Variants in COL26A1 observed in about 807,000 individuals in gnomAD.
The protein encoded by COL26A1 is collagen alpha-1(XXVI) chain.
COL26A1 carries 41 observed loss-of-function variants against 59.3 expected under a neutral mutation model. The ratio of observed to expected loss-of-function variants is 0.69; its 90% confidence interval spans 0.54 to 0.90. The LOEUF is 0.90. COL26A1 is among the 40% of genes least tolerant of loss of function. The probability of loss-of-function intolerance (pLI) is 0.00; values close to 1 mark genes in which losing one functional copy is unlikely to be tolerated. For synonymous variants in COL26A1, 266 were observed against 256.0 expected, an observed-to-expected ratio of 1.04 and a Z score of -0.37; for missense variants, 612 against 602.3, an observed-to-expected ratio of 1.02 and a Z score of -0.17.
intron 3 of COL26A1, among the ~76,000 whole-genome samples, chr7:101,520,784 T>A (rs1795128533): frequency 1.3e-5 from 2 of 152,142 alleles, no homozygotes; most frequent in African/African-American, 4.8e-5. Context: ...AGCCCCTTTA[T>A]GTTTTTTCTG....
Position 101,453,397 on chromosome 7 carries a change from C to T in COL26A1, c.385+5610C>T, listed in dbSNP as rs1793390936. On this transcript the variant is annotated intron_variant, in intron 3 of 12. Coordinates refer to ENST00000313669, the MANE Select transcript of COL26A1 (RefSeq NM_001278563.3). ...GGAAAAGAAATTTTATGAGACCACT[C>T]GTATATGCAGTCTGTCGTTGACTGA... Among the ~76,000 whole-genome samples the T allele has an allele frequency of 4.6e-5, 7 of 152,238 alleles. 1 individual carries two copies. The Middle Eastern group carries it at 0.024, about 518-fold the overall frequency.
Position 101,369,276 on chromosome 7 carries a change from G to A in COL26A1, c.158+6086G>A, listed in dbSNP as rs559835722. On this transcript the variant is annotated intron_variant, in intron 1 of 12. Coordinates refer to ENST00000313669, the MANE Select transcript of COL26A1 (RefSeq NM_001278563.3). ...ACAAAAATTAGCTGGGCATGGTGGCGCATGCCTGTAATCCCAGCTACTTAG... is the reference window on the plus strand; with the variant it reads ...ACAAAAATTAGCTGGGCATGGTGGCACATGCCTGTAATCCCAGCTACTTAG... 2.0e-3 allele frequency among the ~76,000 whole-genome samples: 306 copies of A among 151,698 alleles called. 1 individual carries two copies. Among genetic ancestry groups the A allele is most frequent in the Middle Eastern group, 3.4e-3 (1 of 294 alleles).
chr7:101,492,511 A>C (rs1794483096), intron 3 of COL26A1, among the ~76,000 whole-genome samples: 1 of 151,964 alleles, frequency 6.6e-6, no homozygotes, highest in Admixed American at 6.6e-5. Context: ...AGCCTGGCCA[A>C]CACGGAGAAA....
chr7:101,515,282 T>C (rs1446149724), intron 3 of COL26A1, among the ~76,000 whole-genome samples: 2 of 148,994 alleles, frequency 1.3e-5, no homozygotes, highest in Non-Finnish European at 3.0e-5. Flanking sequence ...TTACTATAAA[T>C]ATTTATTTTT....
At chr7:101,431,015 T>C (rs1420691610) in intron 2 of COL26A1, among the ~76,000 whole-genome samples, 1 of 151,994 alleles carries the variant, frequency 6.6e-6, no homozygotes. Flanking sequence ...TTGGCCAGGA[T>C]GGTCTTGAAC....
chr7:101,448,828 C>G (rs1324826114), intron 3 of COL26A1, among the ~76,000 whole-genome samples: 1 of 152,322 alleles, frequency 6.6e-6, no homozygotes, highest in Non-Finnish European at 1.5e-5. Context: ...CAGTAGCTGT[C>G]TCCCACCTTC....
intron 2 of COL26A1, among the ~76,000 whole-genome samples, chr7:101,434,157 G>T (rs1406695907): frequency 2.7e-4 from 8 of 30,144 alleles, no homozygotes; most frequent in Admixed American, 4.4e-4. Flanking sequence ...TTTCTCTCTC[G>T]TTCTTTCTCT....
intron 2 of COL26A1, among the ~76,000 whole-genome samples, chr7:101,445,731 CAAAAAAAA>C (rs138245779): frequency 9.9e-4 from 38 of 38,442 alleles, no homozygotes; most frequent in African/African-American, 3.8e-3. Flanking sequence ...GACTCCGTCT[CAAAAAAAA>C]AAAAAAAAAA....
intron 3 of COL26A1, among the ~76,000 whole-genome samples, chr7:101,451,677 T>G (rs2130390384): frequency 6.6e-6 from 1 of 151,318 alleles, no homozygotes; most frequent in East Asian, 1.9e-4. Context: ...TTTGTGGTTA[T>G]TGTCTCTACT....
intron 3 of COL26A1, among the ~76,000 whole-genome samples, chr7:101,488,551 T>A (rs1424902113): frequency 6.6e-6 from 1 of 151,418 alleles, no homozygotes; most frequent in Admixed American, 6.6e-5. Flanking sequence ...ATTTTTTGTA[T>A]TTTCAGTAGA....
chr7:101,544,147 G>C (rs373913152), intron 6 of COL26A1, 51 bp downstream of exon 6: 2 of 1,423,412 alleles, frequency 1.4e-6, no homozygotes, highest in Non-Finnish European at 1.9e-6. Context: ...GAAGGGGCTG[G>C]GCTTTCTTCT....
At chr7:101,539,550 A>T (rs1416978379) in intron 4 of COL26A1, among the ~76,000 whole-genome samples, 1 of 149,810 alleles carries the variant, frequency 6.7e-6, no homozygotes, top group Non-Finnish European at 1.5e-5. Context: ...CTGGTCTCAA[A>T]CTCCTGGCCT....
At chr7:101,532,682 C>G (rs544624260) in intron 3 of COL26A1, among the ~76,000 whole-genome samples, 1 of 152,284 alleles carries the variant, frequency 6.6e-6, no homozygotes, top group East Asian at 1.9e-4. Context: ...TCCCCAGACT[C>G]TGGTTCTCAA....
chr7:101,375,219 G>C (rs547431434), intron 1 of COL26A1, among the ~76,000 whole-genome samples: 1 of 152,270 alleles, frequency 6.6e-6, no homozygotes, highest in East Asian at 1.9e-4. Flanking sequence ...AAATGGGTAT[G>C]ATTAGAGTGT....
intron 3 of COL26A1, among the ~76,000 whole-genome samples, chr7:101,509,481 G>C (rs186514931): frequency 4.5e-4 from 68 of 152,180 alleles, no homozygotes; most frequent in African/African-American, 1.6e-3. Flanking sequence ...ACAGAAAACA[G>C]CCTCTGATTC....
chr7:101,471,567 G>GTTGTTTTTTTTTTTTTTTTTT (rs1485332913), intron 3 of COL26A1, among the ~76,000 whole-genome samples: 1 of 112,386 alleles, frequency 8.9e-6, no homozygotes, highest in African/African-American at 3.5e-5. Flanking sequence ...TGTTGTTGTT[G>GTTGTTTTTTTTTTTTTTTTTT]TTTGTTTTTT....
chr7:101,540,039 G>T lies in COL26A1; in HGVS notation c.594G>T (p.Thr198=). Reference sequence around the variant, plus strand: ...CTGTGCCACGACAGAGAAGGCCCACGGGCCCAGCCGGTGAGTGAGGGCTGC... The same window carrying T: ...CTGTGCCACGACAGAGAAGGCCCACTGGCCCAGCCGGTGAGTGAGGGCTGC... ...AHPVPRQRRP[T]GPAGPPGQTG... is the part of the protein sequence containing the mutation. Residue 198 remains threonine (T), a synonymous_variant, in exon 5 of 13, where the codon ACG becomes ACT. Coordinates refer to ENST00000313669, the MANE Select transcript of COL26A1 (RefSeq NM_001278563.3). 1 of 1,612,138 alleles carries T rather than the reference G, an allele frequency of 6.2e-7. No individual in the cohort carries two copies.
intron 1 of COL26A1, among the ~76,000 whole-genome samples, chr7:101,385,406 T>A (rs537899718): frequency 6.6e-6 from 1 of 151,116 alleles, no homozygotes; most frequent in East Asian, 2.0e-4. Context: ...AGTCTCACTC[T>A]GTTGCCCAGG....
At position 101,397,533 on chromosome 7, in the gene COL26A1, C is replaced by T. The variant is rs539346525; in HGVS notation, c.159-22444C>T. Among the ~76,000 whole-genome samples the T allele has an allele frequency of 5.0e-5, 5 of 100,510 alleles. No individual in the cohort carries two copies. In the South Asian group the frequency reaches 1.1e-3, roughly 22 times the overall value. 65.9% of individuals were successfully genotyped at this position (100,510 alleles called of 152,430 possible). The stretch of plus-strand genomic sequence containing the variant: ...CTTCCCTTCCCTTCCTTCTCTCCTC[C>T]CCCCCCCTCCTTTTTTTTTTTGAGA... On this transcript the variant is annotated intron_variant, in intron 1 of 12. Transcript: ENST00000313669.
Sources: gnomAD v4.1 joint callset for allele counts (sites outside exome capture counted in the v4.1 genomes callset) on GRCh38, gnomAD v4.1.1 for gene constraint, MANE v1.5 for transcripts, NCBI Gene and HGNC (gene_info 2026-07-23, HGNC 2026-07-21) for gene names.